PDLIM5: variants seen among roughly 807,000 people sequenced by gnomAD.
PDLIM5 encodes the protein PDZ and LIM domain protein 5.
PDLIM5 carries 34 observed loss-of-function variants against 64.2 expected under a neutral mutation model. The ratio of observed to expected loss-of-function variants is 0.53; its 90% CI spans 0.40 to 0.71. The LOEUF is 0.71. Among genes scored for constraint, PDLIM5 ranks in the 30% least tolerant of loss-of-function variants. The pLI is 0.00. For missense variants in PDLIM5, 683 were observed against 733.6 expected, an observed-to-expected ratio of 0.93 and a Z score of 0.80; for synonymous variants, 253 against 269.1, an observed-to-expected ratio of 0.94 and a Z score of 0.59.
At chr4:94,538,115 T>C (rs1489688013) in intron 3 of PDLIM5, among the ~76,000 whole-genome samples, 1 of 152,222 alleles carries the variant, frequency 6.6e-6, no homozygotes, top group Non-Finnish European at 1.5e-5. Flanking sequence ...TAAAATTCTT[T>C]GAAAATTTTT....
In PDLIM5 at chr4:94,456,029, G is replaced by A. The variant is rs148234071; in HGVS notation, c.96+645G>A. ...GATGATGATGATAGCACTGATGAGA[G>A]GAGTAATTAAAGCTTCTATTTATTG... On this transcript the variant is annotated intron_variant, in intron 2 of 12. Transcript: ENST00000317968. The A allele has an allele frequency of 4.4e-6, 6 of 1,361,282 alleles. No individual in the cohort carries two copies. The East Asian group carries it at 1.5e-4, about 35-fold the overall frequency. The allele number at this position is 1,361,282 out of a possible 1,614,324, so 84.3% of individuals were successfully genotyped here. A position where few individuals can be genotyped will look rare whatever the true frequency, so the allele number is the denominator to read the frequency against.
chr4:94,664,390 T>G lies in PDLIM5; in HGVS notation c.*323T>G. 1.4e-6 allele frequency: 1 copy of G among 740,648 alleles called. No individual in the cohort carries two copies. Among genetic ancestry groups the G allele is most frequent in the Non-Finnish European group, 1.7e-6 (1 of 604,712 alleles). The allele number at this position is 740,648 out of a possible 1,614,324, so 45.9% of individuals were successfully genotyped here. A position where few individuals can be genotyped will look rare whatever the true frequency, so the allele number is the denominator to read the frequency against. ...TAATTTTAGAATAAATAATCCAATC[T>G]GAAATAATTATACCTTCTTTCCTTG... On this transcript the variant is annotated 3_prime_UTR_variant, in exon 13 of 13. Coordinates refer to ENST00000317968, the MANE Select transcript of PDLIM5 (RefSeq NM_006457.5).
chr4:94,635,783 A>C (rs1474640812), intron 8 of PDLIM5, among the ~76,000 whole-genome samples: 1 of 152,228 alleles, frequency 6.6e-6, no homozygotes, highest in Admixed American at 6.5e-5. Context: ...AAGGTTGCCC[A>C]TTCCTGTGCT....
At chr4:94,504,512 C>T (rs559859489) in intron 2 of PDLIM5, among the ~76,000 whole-genome samples, 5 of 152,144 alleles carry the variant, frequency 3.3e-5, no homozygotes, top group South Asian at 2.1e-4. Flanking sequence ...GTCTCCGTCT[C>T]GTGACCTCGT....
intron 2 of PDLIM5, among the ~76,000 whole-genome samples, chr4:94,496,581 C>T (rs2126127104): frequency 6.6e-6 from 1 of 152,290 alleles, no homozygotes; most frequent in Non-Finnish European, 1.5e-5. Flanking sequence ...CCTCTGCCTC[C>T]TGGGCTCAAG....
At position 94,575,931 on chromosome 4, in the gene PDLIM5, G is replaced by A; in HGVS notation, c.607G>A (p.Val203Ile). Residue 203 changes from valine (V) to isoleucine (I), a missense_variant, in exon 5 of 13, where the codon GTC (valine) becomes ATC (isoleucine). Transcript: ENST00000317968. ...GAGCGCTGGTAAAACTGCAGTTAAT[G>A]TCCCACGGCAGCCCACAGTCACCAG... is the stretch of plus-strand genomic sequence containing the variant. ...ALSAGKTAVN[V>I]PRQPTVTSVC... 6.2e-7 allele frequency: 1 copy of A among 1,614,164 alleles called. No homozygotes were observed.
chr4:94,640,155 G>C (rs919998754), intron 8 of PDLIM5, 121 bp from the exon 9 acceptor site: 1 of 497,302 alleles, frequency 2.0e-6, no homozygotes, highest in Non-Finnish European at 3.5e-6. Context: ...CACTGTAAAT[G>C]TGAGTGAGTG....
At chr4:94,488,035 CA>C (rs1726510071) in intron 2 of PDLIM5, among the ~76,000 whole-genome samples, 1 of 152,152 alleles carries the variant, frequency 6.6e-6, no homozygotes, top group Non-Finnish European at 1.5e-5. Context: ...CCTTCCCACA[CA>C]AGTTCTTTAA....
intron 8 of PDLIM5, among the ~76,000 whole-genome samples, chr4:94,629,233 C>T (rs1739945744): frequency 6.6e-6 from 1 of 152,014 alleles, no homozygotes; most frequent in African/African-American, 2.4e-5. Flanking sequence ...CCTGTAGTCC[C>T]AGCTACCTGG....
intron 7 of PDLIM5, chr4:94,610,451 G>T: frequency 6.9e-6 from 3 of 436,874 alleles, no homozygotes; most frequent in Non-Finnish European, 1.2e-5. Context: ...TATCTAGGTT[G>T]TGGATAAATC....
At chr4:94,509,546 T>C (rs111376900) in intron 2 of PDLIM5, among the ~76,000 whole-genome samples, 345 of 152,238 alleles carry the variant, frequency 2.3e-3, no homozygotes, top group African/African-American at 7.9e-3. Flanking sequence ...TGAATGAATA[T>C]TTTATTTCTC....
rs182172094 is a variant in PDLIM5, at chr4:94,521,131, A to G, written c.97-2593A>G. 2.2e-3 allele frequency among the ~76,000 whole-genome samples: 333 copies of G among 152,254 alleles called. 2 individuals are homozygous for G. Among genetic ancestry groups the G allele is most frequent in the African/African-American group, 7.0e-3 (289 of 41,556 alleles). ...GAAACAGATTGGTGACAAATTATAG[A>G]TGGCTTGTATTTTCTCTACATTGTA... On this transcript the variant is annotated intron_variant, in intron 2 of 12. Transcript: ENST00000317968.
intron 2 of PDLIM5, among the ~76,000 whole-genome samples, chr4:94,460,759 G>A (rs1723808561): frequency 6.6e-6 from 1 of 152,166 alleles, no homozygotes; most frequent in South Asian, 2.1e-4. Context: ...AATAGATAAT[G>A]TACAGCTGTA....
Position 94,455,269 on chromosome 4 carries a change from G to A in PDLIM5, c.-20G>A. On this transcript the variant is annotated 5_prime_UTR_variant, in exon 2 of 13. Coordinates refer to ENST00000317968, the MANE Select transcript of PDLIM5 (RefSeq NM_006457.5). Reference sequence around the variant, plus strand: ...CAGCATATTTCATTTTCTGTCATTGGACTTTGAGCCATTAGAACCATGAGC... The same window carrying A: ...CAGCATATTTCATTTTCTGTCATTGAACTTTGAGCCATTAGAACCATGAGC... 1 of 1,470,064 alleles carries A rather than the reference G, an allele frequency of 6.8e-7. No individual in the cohort carries two copies. Among genetic ancestry groups the A allele is most frequent in the Non-Finnish European group, 9.5e-7 (1 of 1,052,516 alleles). 91.1% of individuals were successfully genotyped at this position (1,470,064 alleles called of 1,614,324 possible). A position where few individuals can be genotyped will look rare whatever the true frequency, so the allele number is the denominator to read the frequency against.
chr4:94,462,341 A>G (rs191841733), intron 2 of PDLIM5, among the ~76,000 whole-genome samples: 5 of 152,096 alleles, frequency 3.3e-5, no homozygotes, highest in South Asian at 2.1e-4. Context: ...TCCTTTTAAC[A>G]CAAATAGTAT....
At chr4:94,653,268 C>A (rs180835377) in intron 9 of PDLIM5, among the ~76,000 whole-genome samples, 299 of 152,052 alleles carry the variant, frequency 2.0e-3, no homozygotes, top group African/African-American at 6.9e-3. Flanking sequence ...ACATTCTGTA[C>A]CTTGGCTTCT....
intron 9 of PDLIM5, among the ~76,000 whole-genome samples, chr4:94,649,471 C>G (rs1473099011): frequency 6.6e-6 from 1 of 152,188 alleles, no homozygotes; most frequent in Non-Finnish European, 1.5e-5. Flanking sequence ...ATCTTCCTCT[C>G]TGCCCTCCCT....
intron 2 of PDLIM5, among the ~76,000 whole-genome samples, chr4:94,488,292 C>G (rs1392100860): frequency 6.6e-6 from 1 of 152,142 alleles, no homozygotes; most frequent in Non-Finnish European, 1.5e-5. Flanking sequence ...AGCCAAAGAG[C>G]TGCTGTTCCT....
intron 2 of PDLIM5, among the ~76,000 whole-genome samples, chr4:94,457,879 C>G (rs975429136): frequency 1.3e-5 from 2 of 152,140 alleles, no homozygotes; most frequent in East Asian, 3.8e-4. Context: ...GGTAACAAAG[C>G]TGCTGAGTTA....
Sources: gnomAD v4.1 joint callset for allele counts (sites outside exome capture counted in the v4.1 genomes callset) on GRCh38, gnomAD v4.1.1 for gene constraint, MANE v1.5 for transcripts, NCBI Gene and HGNC (gene_info 2026-07-23, HGNC 2026-07-21) for gene names.